Variants in LRRC37A2 observed in about 807,000 individuals in gnomAD.
LRRC37A2 encodes the protein leucine rich repeat containing 37 member A2, also known as leucine-rich repeat-containing protein 37A2.
Under a neutral mutation model 68.8 loss-of-function variants are expected in LRRC37A2, and 9 were observed. The observed-to-expected ratio is 0.13, with a 90% CI of 0.08 to 0.23. LRRC37A2 has a LOEUF of 0.23. Ranked by LOEUF, LRRC37A2 falls within the 10% of genes least tolerant of loss-of-function variation. The probability of loss-of-function intolerance (pLI) is 1.00; values close to 1 mark genes in which losing one functional copy is unlikely to be tolerated. For synonymous variants in LRRC37A2, 63 were observed against 367.6 expected (o/e 0.17, Z 9.48); for missense variants, 168 against 950.4 (o/e 0.18, Z 10.82).
the LRRC37A2 span, among the ~76,000 whole-genome samples, chr17:46,844,524 T>A: frequency 6.6e-6 from 1 of 152,146 alleles, no homozygotes; most frequent in Non-Finnish European, 1.5e-5. Flanking sequence ...GCAGTTCTGA[T>A]AATATGACCT....
At chr17:46,920,696 C>T in the LRRC37A2 span, among the ~76,000 whole-genome samples, 1 of 152,234 alleles carries the variant, frequency 6.6e-6, no homozygotes, top group South Asian at 2.1e-4. Context: ...AGACGACCCC[C>T]AGCTCAGCTC....
chr17:46,708,612 C>T, the LRRC37A2 span, among the ~76,000 whole-genome samples: 1 of 146,024 alleles, frequency 6.8e-6, no homozygotes, highest in Admixed American at 6.8e-5. Context: ...CTGCCTCAGC[C>T]TCCCCAGTAG....
the LRRC37A2 span, among the ~76,000 whole-genome samples, chr17:46,709,807 T>G: frequency 6.6e-6 from 1 of 152,200 alleles, no homozygotes; most frequent in African/African-American, 2.4e-5. Flanking sequence ...GAAAATTTCT[T>G]AGAACAGCCA....
At chr17:46,704,577 C>T in the LRRC37A2 span, among the ~76,000 whole-genome samples, 2 of 147,260 alleles carry the variant, frequency 1.4e-5, no homozygotes, top group Non-Finnish European at 3.0e-5. Flanking sequence ...TCAATTTTGG[C>T]AGTTCTCTAT....
the LRRC37A2 span, among the ~76,000 whole-genome samples, chr17:46,883,952 GT>G: frequency 6.6e-6 from 1 of 152,170 alleles, no homozygotes; most frequent in African/African-American, 2.4e-5. Context: ...CCATTAGTGT[GT>G]TTACGCTGGA....
the LRRC37A2 span, among the ~76,000 whole-genome samples, chr17:46,814,575 C>T: frequency 1.3e-5 from 2 of 152,114 alleles, no homozygotes; most frequent in Admixed American, 1.3e-4. Flanking sequence ...CTGGTATCTG[C>T]CCATCTGTCT....
chr17:46,899,059 T>C, the LRRC37A2 span, among the ~76,000 whole-genome samples: 3 of 152,100 alleles, frequency 2.0e-5, no homozygotes, highest in African/African-American at 7.2e-5. Context: ...GGTATATCCA[T>C]ACAATGGAAT....
chr17:46,667,411 G>C, the LRRC37A2 span, among the ~76,000 whole-genome samples: 1 of 145,726 alleles, frequency 6.9e-6, no homozygotes, highest in South Asian at 2.2e-4. Flanking sequence ...ATACTAAAAT[G>C]TACTTTTTAT....
the LRRC37A2 span, among the ~76,000 whole-genome samples, chr17:46,814,542 C>T: frequency 6.6e-6 from 1 of 152,198 alleles, no homozygotes. Context: ...GGAGACCACC[C>T]GGTTAAAGCC....
the LRRC37A2 span, among the ~76,000 whole-genome samples, chr17:47,029,983 A>C: frequency 6.6e-6 from 1 of 151,480 alleles, no homozygotes; most frequent in African/African-American, 2.4e-5. Flanking sequence ...GAATCACTTG[A>C]AACCAGGAGG....
chr17:46,934,931 G>A, the LRRC37A2 span: 53 of 1,046,624 alleles, frequency 5.1e-5, 2 homozygotes, highest in South Asian at 7.6e-5. Flanking sequence ...CAGCCCCTCC[G>A]GCTGTTCTGG....
chr17:46,883,346 G>A, the LRRC37A2 span, among the ~76,000 whole-genome samples: 6 of 144,472 alleles, frequency 4.2e-5, no homozygotes, highest in Non-Finnish European at 6.0e-5. Context: ...GTGCAATGGC[G>A]CAATCTTGGC....
the LRRC37A2 span, among the ~76,000 whole-genome samples, chr17:46,908,278 G>A: frequency 6.6e-6 from 1 of 152,132 alleles, no homozygotes; most frequent in Non-Finnish European, 1.5e-5. Context: ...AGCGGGAAGG[G>A]GGCCTCTGAG....
chr17:47,001,154 G>T, the LRRC37A2 span, among the ~76,000 whole-genome samples: 2 of 152,204 alleles, frequency 1.3e-5, no homozygotes, highest in Admixed American at 6.5e-5. Flanking sequence ...CCAACAAGGC[G>T]TAATAAGGAG....
At chr17:46,998,619 A>G in the LRRC37A2 span, 2 of 152,270 alleles carry the variant, frequency 1.3e-5, no homozygotes, top group Non-Finnish European at 2.9e-5. Flanking sequence ...AATCCCAGGT[A>G]GGCCAGGTCA....
the LRRC37A2 span, among the ~76,000 whole-genome samples, chr17:46,822,454 G>A: frequency 6.6e-6 from 1 of 152,336 alleles, no homozygotes; most frequent in Non-Finnish European, 1.5e-5. Context: ...ACACACAAAG[G>A]AGCGCAGGTG....
the LRRC37A2 span, among the ~76,000 whole-genome samples, chr17:47,028,740 C>A: frequency 6.6e-6 from 1 of 150,692 alleles, no homozygotes; most frequent in Non-Finnish European, 1.5e-5. Context: ...AAACCCTGTC[C>A]CTACTATAAA....
At chr17:46,887,789 G>GAAAA in the LRRC37A2 span, among the ~76,000 whole-genome samples, 6 of 151,798 alleles carry the variant, frequency 4.0e-5, no homozygotes, top group East Asian at 1.9e-4. Context: ...AAGAAAGAAA[G>GAAAA]AAATCTCTGA....
chr17:46,851,641 G>T, the LRRC37A2 span: 1 of 1,276,450 alleles, frequency 7.8e-7, no homozygotes, highest in Non-Finnish European at 9.8e-7. The surrounding 1 kb of genome is among the most constrained non-coding windows in gnomAD (Gnocchi z 4.3). Context: ...CCAGCACCAT[G>T]CGCCCCCCGC....
Sources: gnomAD v4.1 joint callset for allele counts (sites outside exome capture counted in the v4.1 genomes callset) on GRCh38, gnomAD v4.1.1 for gene constraint, Gnocchi (gnomAD v3.1) non-coding constraint, MANE v1.5 for transcripts, NCBI Gene and HGNC (gene_info 2026-07-23, HGNC 2026-07-21) for gene names.